The following MSRA variants were observed in gnomAD, a reference collection of about 807,000 sequenced individuals.
MSRA encodes the protein methionine sulfoxide reductase A, also known as mitochondrial peptide methionine sulfoxide reductase.
A neutral mutation model predicts 31.3 loss-of-function variants in MSRA; 54 were observed. The ratio of observed to expected loss-of-function variants is 1.73; its 90% confidence interval spans 1.39 to 2.17. The LOEUF is 2.17. MSRA is among the 30% of genes most tolerant of loss of function. The pLI, the probability that MSRA is intolerant of heterozygous loss-of-function variation, is 0.00. For synonymous variants in MSRA, 169 were observed against 116.5 expected (o/e 1.45, Z -2.90); for missense variants, 507 against 300.9 (o/e 1.69, Z -5.07).
chr8:10,379,794 G>A (rs927639038), intron 5 of MSRA, among the ~76,000 whole-genome samples: 2 of 152,216 alleles, frequency 1.3e-5, no homozygotes, highest in Non-Finnish European at 2.9e-5. Context: ...TCTTCTGCCA[G>A]TGGCAGTCTG....
intron 3 of MSRA, among the ~76,000 whole-genome samples, chr8:10,297,648 G>A (rs1375946796): frequency 3.3e-5 from 5 of 152,254 alleles, no homozygotes; most frequent in Non-Finnish European, 7.4e-5. Context: ...CTTTTACTTT[G>A]GAGAAATAAA....
At chr8:10,399,837 G>A (rs73197272) in intron 5 of MSRA, among the ~76,000 whole-genome samples, 22 of 152,206 alleles carry the variant, frequency 1.4e-4, no homozygotes, top group East Asian at 5.8e-4. Flanking sequence ...CTAACAAACC[G>A]CAAGGATTTG....
At chr8:10,347,529 T>C (rs1411318435) in intron 5 of MSRA, among the ~76,000 whole-genome samples, 1 of 152,194 alleles carries the variant, frequency 6.6e-6, no homozygotes, top group Non-Finnish European at 1.5e-5. Flanking sequence ...CCATTTCTTT[T>C]TATTCCCACC....
At chr8:10,361,320 A>G (rs1431129825) in intron 5 of MSRA, among the ~76,000 whole-genome samples, 6 of 152,174 alleles carry the variant, frequency 3.9e-5, no homozygotes, top group Non-Finnish European at 8.8e-5. Context: ...TGCCTCCACC[A>G]AAAGGCTCTA....
At chr8:10,422,505 C>T (rs1808872890) in intron 5 of MSRA, among the ~76,000 whole-genome samples, 2 of 152,168 alleles carry the variant, frequency 1.3e-5, no homozygotes, top group South Asian at 2.1e-4. Context: ...GGTGACCTTC[C>T]AGAAATTCCC....
chr8:10,141,585 C>A (rs1802709517), intron 1 of MSRA, among the ~76,000 whole-genome samples: 1 of 152,170 alleles, frequency 6.6e-6, no homozygotes. Context: ...GAGTCACATC[C>A]CAGCCTTCTG....
chr8:10,066,390 C>G (rs1255643189), intron 1 of MSRA, among the ~76,000 whole-genome samples: 1 of 152,236 alleles, frequency 6.6e-6, no homozygotes, highest in Non-Finnish European at 1.5e-5. Context: ...AAAGCATTCT[C>G]CAAAACCTTT....
chr8:10,060,435 A>G (rs560656180), intron 1 of MSRA, among the ~76,000 whole-genome samples: 1 of 152,336 alleles, frequency 6.6e-6, no homozygotes, highest in Admixed American at 6.5e-5. Context: ...CTTTGAAAGG[A>G]TAGCTAAGAA....
At chr8:10,321,271 C>G (rs1802027702) in intron 5 of MSRA, among the ~76,000 whole-genome samples, 1 of 152,098 alleles carries the variant, frequency 6.6e-6, no homozygotes, top group Non-Finnish European at 1.5e-5. Flanking sequence ...GAGCTAGAAG[C>G]TACTATAAAG....
chr8:10,256,363 A>G (rs946085740), intron 3 of MSRA, among the ~76,000 whole-genome samples: 5 of 152,146 alleles, frequency 3.3e-5, no homozygotes, highest in African/African-American at 7.2e-5. Context: ...TTGCTTGTCT[A>G]TTCCCCTGCC....
At chr8:10,297,089 C>G (rs1349999247) in intron 3 of MSRA, among the ~76,000 whole-genome samples, 1 of 152,136 alleles carries the variant, frequency 6.6e-6, no homozygotes, top group East Asian at 1.9e-4. Context: ...TCTCGGGGTT[C>G]TCTTTAAAGG....
chr8:10,272,000 G>C (rs1039915196), intron 3 of MSRA, among the ~76,000 whole-genome samples: 1 of 152,254 alleles, frequency 6.6e-6, no homozygotes, highest in African/African-American at 2.4e-5. Context: ...GAGCCACTGT[G>C]CCCGGCCAGG....
chr8:10,320,117 C>G (rs1801964672), intron 5 of MSRA, 128 bp downstream of exon 5: 1 of 609,480 alleles, frequency 1.6e-6, no homozygotes, highest in Non-Finnish European at 2.9e-6. Flanking sequence ...TTAGAAATTT[C>G]TGTCAGCCTC....
At chr8:10,163,475 C>T (rs933844166) in intron 1 of MSRA, among the ~76,000 whole-genome samples, 1 of 152,206 alleles carries the variant, frequency 6.6e-6, no homozygotes. Context: ...TGCCCGGAGG[C>T]CGTTCCTCAC....
intron 5 of MSRA, among the ~76,000 whole-genome samples, chr8:10,376,849 T>C (rs905111667): frequency 6.6e-6 from 1 of 152,220 alleles, no homozygotes; most frequent in African/African-American, 2.4e-5. Flanking sequence ...TTCCTGGGCA[T>C]AGCCACAATA....
chr8:10,395,114 T>A (rs907721611), intron 5 of MSRA, among the ~76,000 whole-genome samples: 1 of 152,148 alleles, frequency 6.6e-6, no homozygotes, highest in Non-Finnish European at 1.5e-5. Context: ...CTCAGGATGG[T>A]TTAGGAACAC....
chr8:10,101,391 C>A (rs1363700348), intron 1 of MSRA, among the ~76,000 whole-genome samples: 1 of 152,016 alleles, frequency 6.6e-6, no homozygotes, highest in African/African-American at 2.4e-5. Flanking sequence ...ATATGCATAA[C>A]ATATTTTACC....
intron 1 of MSRA, among the ~76,000 whole-genome samples, chr8:10,135,598 A>G (rs1270906908): frequency 6.6e-6 from 1 of 152,240 alleles, no homozygotes; most frequent in Non-Finnish European, 1.5e-5. Flanking sequence ...GGTATGGTTC[A>G]TGATCCCAAG....
At chr8:10,270,770 T>C (rs2129100127) in intron 3 of MSRA, among the ~76,000 whole-genome samples, 1 of 152,362 alleles carries the variant, frequency 6.6e-6, no homozygotes, top group Non-Finnish European at 1.5e-5. Flanking sequence ...ATGAAGAATT[T>C]AGGAAAGCTG....
Sources: gnomAD v4.1 joint callset for allele counts (sites outside exome capture counted in the v4.1 genomes callset) on GRCh38, gnomAD v4.1.1 for gene constraint, MANE v1.5 for transcripts, NCBI Gene and HGNC (gene_info 2026-07-23, HGNC 2026-07-21) for gene names.